AUTS2: variants seen among roughly 807,000 people sequenced by gnomAD.
AUTS2 encodes the protein activator of transcription and developmental regulator AUTS2.
A neutral mutation model predicts 112.4 loss-of-function variants in AUTS2; 17 were observed. The observed-to-expected ratio is 0.15, with a 90% CI of 0.10 to 0.23. AUTS2 has a LOEUF of 0.23. Ranked by LOEUF, AUTS2 falls within the 10% of genes least tolerant of loss-of-function variation. The pLI is 1.00. For synonymous variants in AUTS2, 751 were observed against 702.7 expected (o/e 1.07, Z -1.09); for missense variants, 1,510 against 1,701.6 (o/e 0.89, Z 1.98).
chr7:70,432,072 A>G (rs911369684), intron 4 of AUTS2, among the ~76,000 whole-genome samples: 1 of 152,142 alleles, frequency 6.6e-6, no homozygotes, highest in African/African-American at 2.4e-5. Context: ...AAAATGGAGG[A>G]TATATTTTTA....
intron 2 of AUTS2, among the ~76,000 whole-genome samples, chr7:69,960,772 C>T (rs1256980230): frequency 1.3e-5 from 2 of 152,058 alleles, no homozygotes; most frequent in Non-Finnish European, 2.9e-5. Context: ...TGTCCCTTTC[C>T]GTGGACCTAA....
chr7:70,250,170 T>C (rs1027999747), intron 4 of AUTS2, among the ~76,000 whole-genome samples: 1 of 152,102 alleles, frequency 6.6e-6, no homozygotes, highest in Non-Finnish European at 1.5e-5. Flanking sequence ...CATTGTTTTA[T>C]TCAAGGATCT....
intron 2 of AUTS2, among the ~76,000 whole-genome samples, chr7:70,014,153 A>G (rs1799926491): frequency 6.6e-6 from 1 of 152,232 alleles, no homozygotes; most frequent in African/African-American, 2.4e-5. Context: ...TGAGTGTAAT[A>G]CAATTAAAAT....
intron 1 of AUTS2, among the ~76,000 whole-genome samples, chr7:69,863,508 A>T (rs1793083725): frequency 6.6e-6 from 1 of 152,174 alleles, no homozygotes; most frequent in South Asian, 2.1e-4. Context: ...GGAGTCTGCA[A>T]AGTTCCATAA....
chr7:70,147,711 C>T (rs1163302625), intron 4 of AUTS2, among the ~76,000 whole-genome samples: 1 of 152,054 alleles, frequency 6.6e-6, no homozygotes, highest in Non-Finnish European at 1.5e-5. Context: ...ACTTTGCTTT[C>T]TCTGATGTTT....
rs943716124 is a variant in AUTS2, at chr7:70,774,074, A to T, written c.1877A>T (p.His626Leu). Residue 626 changes from histidine to leucine, a missense_variant, in exon 12 of 19, where the codon CAC becomes CTC. Physicochemically the swap from His to Leu is moderately conservative, Grantham distance 99. Around this residue, in one of 3 missense-constraint regions of AUTS2, gnomAD observed 187 missense variants for 309.7 expected, o/e 0.60. Coordinates refer to ENST00000342771, the MANE Select transcript of AUTS2 (RefSeq NM_015570.4). ...GCTGCTCGGCCTGGGACAGTCCCAC[A>T]CACTTTACTCCAAAAGGACCCGAGG... ...DVAARPGTVP[H>L]TLLQKDPRLT... is the part of the protein sequence containing the mutation. 6.2e-7 allele frequency: 1 copy of T among 1,614,174 alleles called. No homozygotes were observed. The highest frequency in any genetic ancestry group is 1.7e-5 in the Admixed American group (1 of 60,032).
chr7:70,062,363 A>G (rs2129561010), intron 2 of AUTS2, among the ~76,000 whole-genome samples: 1 of 151,988 alleles, frequency 6.6e-6, no homozygotes, highest in South Asian at 2.1e-4. Flanking sequence ...AAATACAAAA[A>G]TTATCTGGAC....
intron 4 of AUTS2, among the ~76,000 whole-genome samples, chr7:70,308,562 T>A (rs1017418152): frequency 6.6e-6 from 1 of 152,222 alleles, no homozygotes; most frequent in Non-Finnish European, 1.5e-5. Flanking sequence ...TATAAAAAAA[T>A]GTTTACCAAA....
At chr7:69,772,256 C>T (rs75856500) in intron 1 of AUTS2, among the ~76,000 whole-genome samples, 9 of 152,274 alleles carry the variant, frequency 5.9e-5, no homozygotes, top group African/African-American at 1.2e-4. Context: ...ATGACAGATC[C>T]GGTTCAACTC....
At chr7:70,772,500 A>G (rs1790417553) in intron 11 of AUTS2, among the ~76,000 whole-genome samples, 1 of 152,210 alleles carries the variant, frequency 6.6e-6, no homozygotes, top group Admixed American at 6.5e-5. Context: ...ACTTGAAGAT[A>G]TTCTGCTGTG....
chr7:70,743,468 C>CAA lies in AUTS2; in HGVS notation c.743-19378_743-19377dup, dbSNP rs35444664. ...TGGCTGACAGAGGGAGACTCTGTCT[C>CAA]AAAAAAAAAAAAAAAAAAAAAAAAA... On this transcript the variant is annotated intron_variant, in intron 6 of 18. Coordinates refer to ENST00000342771, the MANE Select transcript of AUTS2 (RefSeq NM_015570.4). Among the ~76,000 whole-genome samples, 338 of 71,028 alleles carry CAA rather than the reference C, an allele frequency of 4.8e-3. 3 individuals carry two copies. Among genetic ancestry groups the CAA allele is most frequent in the Middle Eastern group, 0.018 (2 of 110 alleles). The allele number at this position is 71,028 out of a possible 152,430, so 46.6% of individuals were successfully genotyped here.
chr7:69,919,158 A>G (rs1224127851), intron 2 of AUTS2, among the ~76,000 whole-genome samples: 1 of 152,208 alleles, frequency 6.6e-6, no homozygotes, highest in African/African-American at 2.4e-5. Context: ...GGGGGAAACA[A>G]TGGAAAATAT....
rs1789723628 is a variant in AUTS2 at position 70,763,717 on chromosome 7, C to T, written c.1214+376C>T. On this transcript the variant is annotated intron_variant, in intron 7 of 18. Coordinates refer to ENST00000342771, the MANE Select transcript of AUTS2 (RefSeq NM_015570.4). ...TGTGAGCAGATCCTTTCAAGAGAGG[C>T]TCTCTGCCTCTGATGGAAGAAGTGT... 1.3e-5 allele frequency among the ~76,000 whole-genome samples: 2 copies of T among 152,150 alleles called. 1 individual carries two copies. The highest frequency in any genetic ancestry group is 4.2e-4 in the South Asian group (2 of 4,818).
chr7:70,656,562 C>T (rs1806779506), intron 5 of AUTS2, among the ~76,000 whole-genome samples: 1 of 152,286 alleles, frequency 6.6e-6, no homozygotes, highest in Admixed American at 6.5e-5. Flanking sequence ...CATATTATTT[C>T]AGTACTTTCC....
chr7:69,810,055 T>C (rs73172908), intron 1 of AUTS2, among the ~76,000 whole-genome samples: 5,720 of 152,238 alleles, frequency 0.038, 143 homozygotes, highest in Middle Eastern at 0.058. Flanking sequence ...CAGCATGACC[T>C]AAGAACCTGA....
intron 4 of AUTS2, among the ~76,000 whole-genome samples, chr7:70,146,189 G>A (rs1308173785): frequency 1.3e-5 from 2 of 152,056 alleles, no homozygotes; most frequent in African/African-American, 2.4e-5. Flanking sequence ...CCTAAGCTAA[G>A]CCTCAATGGT....
chr7:69,839,530 A>C (rs1791878973), intron 1 of AUTS2, among the ~76,000 whole-genome samples: 1 of 152,218 alleles, frequency 6.6e-6, no homozygotes, highest in East Asian at 1.9e-4. Context: ...AAGTAATGGA[A>C]TAAAGGGATG....
intron 2 of AUTS2, among the ~76,000 whole-genome samples, chr7:69,948,948 G>A (rs969754543): frequency 3.5e-4 from 53 of 152,156 alleles, no homozygotes; most frequent in African/African-American, 1.3e-3. Context: ...TGGGACTACA[G>A]GCATGTGCCA....
intron 6 of AUTS2, among the ~76,000 whole-genome samples, chr7:70,731,418 A>ATGTT (rs1787378557): frequency 1.1e-5 from 1 of 89,806 alleles, no homozygotes; most frequent in Non-Finnish European, 2.2e-5. Flanking sequence ...CTTTACCCAG[A>ATGTT]TCTTTTTTTT....
Sources: allele counts gnomAD v4.1 joint callset (sites outside exome capture counted in the v4.1 genomes callset), GRCh38; gene constraint gnomAD v4.1.1; regional missense constraint gnomAD v4.1.1; transcripts MANE v1.5; gene names NCBI Gene and HGNC (gene_info 2026-07-23, HGNC 2026-07-21).